Variants in HMBOX1 observed in about 807,000 individuals in gnomAD.
The protein encoded by HMBOX1 is homeobox-containing protein 1.
In HMBOX1, 14 loss-of-function variants were observed where a neutral mutation model predicts 54.5. The observed-to-expected ratio is 0.26, with a 90% CI of 0.17 to 0.40. HMBOX1 has a LOEUF of 0.40. Ranked by LOEUF, HMBOX1 falls within the 10% of genes least tolerant of loss-of-function variation. The probability of loss-of-function intolerance (pLI) is 1.00; values close to 1 mark genes in which losing one functional copy is unlikely to be tolerated. For synonymous variants in HMBOX1, 160 were observed against 181.0 expected (o/e 0.88, Z 0.93); for missense variants, 332 against 514.4 (o/e 0.65, Z 3.43).
chr8:28,979,718 C>G (rs149934917), intron 3 of HMBOX1, among the ~76,000 whole-genome samples: 1 of 152,142 alleles, frequency 6.6e-6, no homozygotes, highest in African/African-American at 2.4e-5. Context: ...GGATTTCTGT[C>G]TGTGTAAGAT....
intron 4 of HMBOX1, among the ~76,000 whole-genome samples, chr8:28,996,368 T>C (rs1453019898): frequency 6.6e-6 from 1 of 152,216 alleles, no homozygotes; most frequent in Non-Finnish European, 1.5e-5. Flanking sequence ...GATATGTCCC[T>C]TAGCAGATGG....
chr8:28,940,766 T>C (rs1476790709), intron 1 of HMBOX1, among the ~76,000 whole-genome samples: 1 of 152,200 alleles, frequency 6.6e-6, no homozygotes, highest in African/African-American at 2.4e-5. Context: ...GAATGAAACC[T>C]GCCCTACCTA....
At chr8:29,002,021 A>T (rs1368180862) in intron 4 of HMBOX1, among the ~76,000 whole-genome samples, 3 of 152,212 alleles carry the variant, frequency 2.0e-5, no homozygotes. Flanking sequence ...TTAAGAACTT[A>T]GCATCTTGTA....
chr8:28,923,563 T>C (rs998966582), intron 1 of HMBOX1, among the ~76,000 whole-genome samples: 1 of 152,198 alleles, frequency 6.6e-6, no homozygotes, highest in Non-Finnish European at 1.5e-5. Context: ...TAACAACTAT[T>C]TACATGGCAT....
chr8:28,905,672 A>G (rs1814188698), intron 1 of HMBOX1, among the ~76,000 whole-genome samples: 1 of 152,158 alleles, frequency 6.6e-6, no homozygotes, highest in Non-Finnish European at 1.5e-5. Context: ...ACTTAATCAT[A>G]TTTTTGTGTA....
intron 4 of HMBOX1, among the ~76,000 whole-genome samples, chr8:29,002,726 G>C (rs1273993934): frequency 2.0e-5 from 3 of 152,038 alleles, no homozygotes; most frequent in African/African-American, 7.2e-5. Context: ...AAAAAATCCT[G>C]TGTTAAAATA....
intron 1 of HMBOX1, among the ~76,000 whole-genome samples, chr8:28,910,503 C>T (rs1276567634): frequency 6.6e-6 from 1 of 152,130 alleles, no homozygotes. Flanking sequence ...ACTGTTTCAC[C>T]AGCAATGTAT....
At chr8:29,013,680 C>T (rs758002812) in intron 5 of HMBOX1, among the ~76,000 whole-genome samples, 27 of 152,192 alleles carry the variant, frequency 1.8e-4, no homozygotes, top group Non-Finnish European at 5.9e-5. Context: ...TAATCAAATA[C>T]ATTTTATCTT....
chr8:28,978,733 G>T (rs558793155), intron 3 of HMBOX1, among the ~76,000 whole-genome samples: 3 of 139,318 alleles, frequency 2.2e-5, no homozygotes, highest in Non-Finnish European at 4.5e-5. Flanking sequence ...CTTGCAGTGA[G>T]CCGAGATTGC....
chr8:28,978,903 T>G, intron 3 of HMBOX1, among the ~76,000 whole-genome samples: 1 of 152,032 alleles, frequency 6.6e-6, no homozygotes, highest in East Asian at 1.9e-4. Flanking sequence ...TTGGGTACAG[T>G]TTTTAAAAAT....
intron 4 of HMBOX1, among the ~76,000 whole-genome samples, chr8:29,001,549 C>CAAACAAAACA (rs59794853): frequency 1.5e-4 from 22 of 149,720 alleles, no homozygotes; most frequent in East Asian, 2.0e-4. Context: ...GATTCCATCT[C>CAAACAAAACA]AAACAAAACA....
At chr8:29,045,246 G>C (rs1805403492) in intron 6 of HMBOX1, 115 bp from the exon 7 acceptor site, 1 of 795,686 alleles carries the variant, frequency 1.3e-6, no homozygotes, top group African/African-American at 1.7e-5. Context: ...TGACAGCCTG[G>C]ACCTAGACAC....
chr8:28,965,267 A>T (rs894266783), intron 2 of HMBOX1, among the ~76,000 whole-genome samples: 1 of 152,218 alleles, frequency 6.6e-6, no homozygotes, highest in East Asian at 1.9e-4. Context: ...CACCTAACTT[A>T]TATCTCCCTT....
At position 28,938,093 on chromosome 8, in the gene HMBOX1, T is replaced by G. The variant is rs1252279871; in HGVS notation, c.-57-25718T>G. On this transcript the variant is annotated intron_variant, in intron 1 of 9. Coordinates refer to ENST00000287701, the MANE Select transcript of HMBOX1 (RefSeq NM_001135726.3). ...TCTTATATGTCTGGTATTGCAGGCC[T>G]CCTCAGTTCTCCATGTTTCAGATAA... Among the ~76,000 whole-genome samples, 3 of 152,224 alleles carry G rather than the reference T, an allele frequency of 2.0e-5. No individual in the cohort carries two copies. In the East Asian group the frequency reaches 5.8e-4, roughly 29 times the overall value.
At chr8:28,957,568 T>C (rs573543500) in intron 1 of HMBOX1, among the ~76,000 whole-genome samples, 2 of 33,508 alleles carry the variant, frequency 6.0e-5, no homozygotes, top group South Asian at 1.7e-3. Flanking sequence ...AAATAAAAGT[T>C]GAAAAACAAA....
At chr8:29,013,487 G>T (rs1563581284) in intron 5 of HMBOX1, among the ~76,000 whole-genome samples, 1 of 152,068 alleles carries the variant, frequency 6.6e-6, no homozygotes, top group Non-Finnish European at 1.5e-5. Context: ...ATGGCTTTTG[G>T]TTTTTTGTAA....
At chr8:28,965,694 G>A (rs1207324246) in intron 2 of HMBOX1, among the ~76,000 whole-genome samples, 1 of 152,190 alleles carries the variant, frequency 6.6e-6, no homozygotes, top group Non-Finnish European at 1.5e-5. Context: ...TTTGAGGCCT[G>A]TTGCAGCCTG....
At chr8:28,896,385 T>TAGCCTA (rs1554518028) in intron 1 of HMBOX1, among the ~76,000 whole-genome samples, 1 of 149,818 alleles carries the variant, frequency 6.7e-6, no homozygotes, top group Non-Finnish European at 1.5e-5. Flanking sequence ...ATCACAGGTG[T>TAGCCTA]GTAGATTGCA....
intron 1 of HMBOX1, chr8:28,924,785 T>A (rs895825734): frequency 8.5e-5 from 13 of 152,072 alleles, no homozygotes; most frequent in Non-Finnish European, 1.8e-4. Flanking sequence ...GCTAATTTTG[T>A]ATTTTTAGTA....
Sources: gnomAD v4.1 joint callset for allele counts (sites outside exome capture counted in the v4.1 genomes callset) on GRCh38, gnomAD v4.1.1 for gene constraint, MANE v1.5 for transcripts, NCBI Gene and HGNC (gene_info 2026-07-23, HGNC 2026-07-21) for gene names.